GLIS3: variants seen among roughly 807,000 people sequenced by gnomAD.
GLIS3 encodes zinc finger protein GLIS3.
GLIS3 carries 53 observed loss-of-function variants against 78.6 expected under a neutral mutation model. The observed-to-expected ratio is 0.67, with a 90% confidence interval of 0.54 to 0.85. The LOEUF (loss-of-function observed/expected upper bound fraction) is 0.85, where lower values mean the gene tolerates loss of function less well. Among genes scored for constraint, GLIS3 ranks in the 40% least tolerant of loss-of-function variants. The pLI is 0.00. For synonymous variants in GLIS3, 684 were observed against 509.9 expected (o/e 1.34, Z -4.60); for missense variants, 1,703 against 1,231.1 (o/e 1.38, Z -5.74).
At chr9:3,892,592 A>T (rs1822536812) in intron 7 of GLIS3, among the ~76,000 whole-genome samples, 1 of 152,198 alleles carries the variant, frequency 6.6e-6, no homozygotes, top group Admixed American at 6.5e-5. Flanking sequence ...AGTCTTTGCT[A>T]TTCTTAAGAT....
rs1036702164 is a variant in GLIS3 at position 4,245,569 on chromosome 9, C to T, written c.388+40469G>A. ...AAGGATGTGCAGTGGATGCTAAATACGTTTTTCTTAAATGAGTGAGTAAAG... is the reference window on the plus strand; with the variant it reads ...AAGGATGTGCAGTGGATGCTAAATATGTTTTTCTTAAATGAGTGAGTAAAG... On this transcript the variant is annotated intron_variant, in intron 2 of 10. Coordinates refer to ENST00000381971, the MANE Select transcript of GLIS3 (RefSeq NM_001042413.2). Among the ~76,000 whole-genome samples the T allele has an allele frequency of 6.6e-5, 10 of 152,248 alleles. No individual in the cohort carries two copies. The East Asian group carries it at 1.4e-3, about 21-fold the overall frequency.
intron 4 of GLIS3, among the ~76,000 whole-genome samples, chr9:4,074,131 A>C (rs1324226073): frequency 6.6e-6 from 1 of 152,130 alleles, no homozygotes; most frequent in Non-Finnish European, 1.5e-5. Context: ...GTCACAAGTT[A>C]GTCTTCTTGC....
the GLIS3 span, among the ~76,000 whole-genome samples, chr9:4,418,252 C>T: frequency 1.6e-5 from 2 of 123,950 alleles, no homozygotes; most frequent in South Asian, 3.0e-4. Context: ...ATTTTTAATT[C>T]CACAAATATG....
At chr9:4,278,088 C>A (rs1482015907) in intron 2 of GLIS3, among the ~76,000 whole-genome samples, 3 of 152,198 alleles carry the variant, frequency 2.0e-5, no homozygotes, top group African/African-American at 7.2e-5. Flanking sequence ...AGTAACTCTT[C>A]CTTGTCGTAG....
the GLIS3 span, among the ~76,000 whole-genome samples, chr9:4,353,987 C>T: frequency 5.1e-5 from 6 of 116,962 alleles, no homozygotes; most frequent in South Asian, 3.2e-4. Context: ...GCCGCCACAC[C>T]CGGCTATTTT....
intron 4 of GLIS3, among the ~76,000 whole-genome samples, chr9:4,307,689 G>C (rs1817264013): frequency 6.6e-6 from 1 of 152,188 alleles, no homozygotes; most frequent in African/African-American, 2.4e-5. Flanking sequence ...CTGTGGAAGT[G>C]AGCCCTGGAT....
chr9:4,208,473 TGCTCAACATG>T (rs1356333553), intron 2 of GLIS3, among the ~76,000 whole-genome samples: 3 of 152,190 alleles, frequency 2.0e-5, no homozygotes, highest in Non-Finnish European at 1.5e-5. Flanking sequence ...CATGCTAAGT[TGCTCAACATG>T]GTGTAACATG....
intron 5 of GLIS3, among the ~76,000 whole-genome samples, chr9:3,935,047 G>C (rs535466914): frequency 7.9e-5 from 12 of 152,216 alleles, no homozygotes; most frequent in African/African-American, 2.2e-4. Context: ...ATGTTTATGG[G>C]AAAACCATTT....
chr9:3,881,494 G>A (rs1821724005), intron 7 of GLIS3, among the ~76,000 whole-genome samples: 1 of 152,190 alleles, frequency 6.6e-6, no homozygotes, highest in South Asian at 2.1e-4. Flanking sequence ...CCAACAGAAA[G>A]TGTGCTGCTT....
At chr9:4,130,290 A>G (rs1047191021) in intron 2 of GLIS3, among the ~76,000 whole-genome samples, 2 of 152,256 alleles carry the variant, frequency 1.3e-5, no homozygotes, top group Non-Finnish European at 2.9e-5. Flanking sequence ...AGAGGAATTC[A>G]AGCAGGCTGC....
At chr9:3,889,846 G>C (rs2130537453) in intron 7 of GLIS3, among the ~76,000 whole-genome samples, 1 of 152,308 alleles carries the variant, frequency 6.6e-6, no homozygotes, top group Admixed American at 6.5e-5. Flanking sequence ...CAAAATCACG[G>C]GGCAGGCCAG....
Position 3,905,036 on chromosome 9 carries a change from G to A in GLIS3, c.1984-6201C>T, listed in dbSNP as rs190297347. ...CTCCCAGGCCGGAGTGCAGTGGCGC[G>A]ATCTCGGCTCACTGCAAGCTCTGCC... On this transcript the variant is annotated intron_variant, in intron 6 of 10. Transcript: ENST00000381971. Among the ~76,000 whole-genome samples, 273 of 150,406 alleles carry A rather than the reference G, an allele frequency of 1.8e-3. 1 individual carries two copies. Among genetic ancestry groups the A allele is most frequent in the African/African-American group, 6.4e-3 (260 of 40,834 alleles).
At chr9:4,366,781 T>C in the GLIS3 span, among the ~76,000 whole-genome samples, 27 of 152,300 alleles carry the variant, frequency 1.8e-4, no homozygotes, top group Non-Finnish European at 3.5e-4. Context: ...GGACTGAATT[T>C]ACCAACCACC....
chr9:4,061,294 CTA>C (rs1352073364), intron 4 of GLIS3, among the ~76,000 whole-genome samples: 1 of 149,870 alleles, frequency 6.7e-6, no homozygotes, highest in Admixed American at 6.7e-5. Context: ...CAATTCCCAC[CTA>C]TGAGTGAGAA....
chr9:3,981,720 T>G (rs528237043), intron 4 of GLIS3, among the ~76,000 whole-genome samples: 11 of 152,238 alleles, frequency 7.2e-5, no homozygotes, highest in Admixed American at 2.0e-4. Flanking sequence ...TAAAAACCAG[T>G]GTAGCTGGTT....
chr9:4,239,544 C>T (rs917428296), intron 2 of GLIS3, among the ~76,000 whole-genome samples: 1 of 152,120 alleles, frequency 6.6e-6, no homozygotes, highest in African/African-American at 2.4e-5. Flanking sequence ...ACACATCAGT[C>T]ATTGAGATCT....
rs968673668 is a variant in GLIS3, at chr9:4,299,528, C to T, written c.-206G>A. 1 of 152,600 alleles carries T rather than the reference C, an allele frequency of 6.6e-6. No individual in the cohort carries two copies. Among genetic ancestry groups the T allele is most frequent in the African/African-American group, 2.4e-5 (1 of 41,452 alleles). The allele number at this position is 152,600 out of a possible 1,614,324, so 9.5% of individuals were successfully genotyped here. On this transcript the variant is annotated 5_prime_UTR_variant, in exon 1 of 11. Transcript: ENST00000381971. Reference sequence around the variant, plus strand: ...GGCGCTGGCGAGGAGTAACTTGGGGCTCCAGCCCTTCAGAGCGCTCCGCGG... The same window carrying T: ...GGCGCTGGCGAGGAGTAACTTGGGGTTCCAGCCCTTCAGAGCGCTCCGCGG...
chr9:4,116,364 G>A (rs1831638701), intron 4 of GLIS3, among the ~76,000 whole-genome samples: 1 of 152,220 alleles, frequency 6.6e-6, no homozygotes. Flanking sequence ...TAGTGACAGA[G>A]TAAGGTTTTG....
At chr9:4,382,590 C>G in the GLIS3 span, among the ~76,000 whole-genome samples, 1 of 152,142 alleles carries the variant, frequency 6.6e-6, no homozygotes, top group African/African-American at 2.4e-5. Flanking sequence ...CAGTTTTTCT[C>G]TTGATCACTC....
Sources: gnomAD v4.1 joint callset for allele counts (sites outside exome capture counted in the v4.1 genomes callset) on GRCh38, gnomAD v4.1.1 for gene constraint, MANE v1.5 for transcripts, NCBI Gene and HGNC (gene_info 2026-07-23, HGNC 2026-07-21) for gene names.